Variants in PARS2 observed in about 807,000 individuals in gnomAD.
PARS2 encodes probable proline--tRNA ligase, mitochondrial.
PARS2 carries 20 observed loss-of-function variants against 27.4 expected under a neutral mutation model. That is an observed-to-expected ratio of 0.73 (90% CI 0.51 to 1.06). The LOEUF is 1.06. Among genes scored for constraint, PARS2 ranks in the 50% least tolerant of loss-of-function variants. The pLI, the probability that PARS2 is intolerant of heterozygous loss-of-function variation, is 0.00. For synonymous variants in PARS2, 240 were observed against 247.1 expected (o/e 0.97, Z 0.27); for missense variants, 585 against 602.1 (o/e 0.97, Z 0.30).
intron 1 of PARS2, among the ~76,000 whole-genome samples, chr1:54,762,999 A>T (rs1646165572): frequency 6.6e-6 from 1 of 152,224 alleles, no homozygotes; most frequent in Non-Finnish European, 1.5e-5. Flanking sequence ...GCTGGCTCTC[A>T]TAATTTTCTC....
chr1:54,762,136 GTTTTTTTTT>G (rs35646933), intron 1 of PARS2, among the ~76,000 whole-genome samples: 1 of 128,682 alleles, frequency 7.8e-6, no homozygotes, highest in Non-Finnish European at 1.7e-5. Context: ...TGGAGGGCTT[GTTTTTTTTT>G]TTTTTTTTTT....
In PARS2 at chr1:54,758,890, A is replaced by G; in HGVS notation, c.272T>C (p.Leu91Pro). 6.2e-7 allele frequency: 1 copy of G among 1,614,154 alleles called. No homozygotes were observed. Among genetic ancestry groups the G allele is most frequent in the Non-Finnish European group, 8.5e-7 (1 of 1,180,014 alleles). ...YPASPGCYHL[L>P]PYTVRAMEKL... ...CTCCATGGCACGGACGGTATATGGCAGGAGGTGGTAACAGCCGGGGCTTGC... is the reference window on the plus strand; with the variant it reads ...CTCCATGGCACGGACGGTATATGGCGGGAGGTGGTAACAGCCGGGGCTTGC... Residue 91 changes from leucine (L) to proline (P), a missense_variant, in exon 2 of 2, where the codon CTG (leucine) becomes CCG (proline). By Grantham distance (98) the Leu-to-Pro change is moderately conservative. Coordinates refer to ENST00000371279, the MANE Select transcript of PARS2 (RefSeq NM_152268.4).
chr1:54,759,119 C>T lies in PARS2; in HGVS notation c.43G>A (p.Ala15Thr). Residue 15 changes from alanine (A) to threonine (T), a missense_variant, in exon 2 of 2, where the codon GCC (alanine) becomes ACC (threonine). Ala to Thr is a moderately conservative substitution (Grantham distance 58). Coordinates refer to ENST00000371279, the MANE Select transcript of PARS2 (RefSeq NM_152268.4). ...CCAGAGAGCTGGCGGCTGCAGGTGG[C>T]CAGGGCGGGCAATGCTCTGCATCTT... ...LTRCRALPAL[A>T]TCSRQLSGYV... 1.9e-6 allele frequency: 3 copies of T among 1,609,702 alleles called. No homozygotes were observed. The highest frequency in any genetic ancestry group is 1.7e-5 in the Admixed American group (1 of 59,840).
chr1:54,764,493 C>G lies in PARS2; in HGVS notation c.-62G>C, dbSNP rs982858278. The stretch of plus-strand genomic sequence containing the variant: ...CCAGCCCACGCCTCCCGCAAGACCA[C>G]CGCCGTGCCGGGCCAGCGCGCTTGC... On this transcript the variant is annotated 5_prime_UTR_variant, in exon 1 of 2. Coordinates refer to ENST00000371279, the MANE Select transcript of PARS2 (RefSeq NM_152268.4). The G allele has an allele frequency of 6.6e-6, 1 of 152,316 alleles. No individual in the cohort carries two copies. Among genetic ancestry groups the G allele is most frequent in the Admixed American group, 6.5e-5 (1 of 15,292 alleles). The allele number at this position is 152,316 out of a possible 1,614,324, so 9.4% of individuals were successfully genotyped here. A position where few individuals can be genotyped will look rare whatever the true frequency, so the allele number is the denominator to read the frequency against.
Position 54,758,858 on chromosome 1 carries a change from C to T in PARS2, c.304G>A (p.Val102Met), listed in dbSNP as rs1250287900. ...TGCATCTCCTGGTCTATCACTCGCA[C>T]GAGCTTCTCCATGGCACGGACGGTA... Reference protein sequence around the residue: ...PYTVRAMEKLVRVIDQEMQAI... With the variant: ...PYTVRAMEKLMRVIDQEMQAI... The change falls in exon 2 of 2, where the codon GTG becomes ATG. Residue 102 changes from valine to methionine, a missense_variant. Val to Met is a conservative substitution (Grantham distance 21). Coordinates refer to ENST00000371279, the MANE Select transcript of PARS2 (RefSeq NM_152268.4). The T allele has an allele frequency of 2.2e-5, 36 of 1,614,088 alleles. No homozygotes were observed. The highest frequency in any genetic ancestry group is 7.7e-5 in the South Asian group (7 of 91,090).
Position 54,758,840 on chromosome 1 carries a change from C to A in PARS2, c.322G>T (p.Glu108Ter). Reference sequence around the variant, plus strand: ...TTCTGGCCCCCGATGGCCTGCATCTCCTGGTCTATCACTCGCACGAGCTTC... The same window carrying A: ...TTCTGGCCCCCGATGGCCTGCATCTACTGGTCTATCACTCGCACGAGCTTC... ...MEKLVRVIDQEMQAIGGQKVN... is the reference protein window; with the variant it reads ...MEKLVRVIDQ The change falls in exon 2 of 2, where the codon GAG (glutamate) becomes TAG (stop). Residue 108 changes from glutamate (E) to a stop codon, truncating the protein, a stop_gained. Coordinates refer to ENST00000371279, the MANE Select transcript of PARS2 (RefSeq NM_152268.4). LOFTEE classifies it high-confidence loss of function. The A allele has an allele frequency of 6.2e-7, 1 of 1,614,234 alleles. No individual in the cohort carries two copies. Among genetic ancestry groups the A allele is most frequent in the Non-Finnish European group, 8.5e-7 (1 of 1,180,050 alleles).
rs1023599710 is a variant in PARS2 at position 54,758,479 on chromosome 1, T to A, written c.683A>T (p.Asp228Val). 1 of 1,614,104 alleles carries A rather than the reference T, an allele frequency of 6.2e-7. No homozygotes were observed. Residue 228 changes from aspartate to valine, a missense_variant, in exon 2 of 2, where the codon GAT (aspartate) becomes GTT (valine). Asp to Val is a radical substitution (Grantham distance 152, BLOSUM62 -3). Coordinates refer to ENST00000371279, the MANE Select transcript of PARS2 (RefSeq NM_152268.4). Reference protein sequence around the residue: ...AAQQTYSLVCDAYCSLFNKLG... With the variant: ...AAQQTYSLVCVAYCSLFNKLG... ...CTTGTTGAACAGGCTGCAGTAGGCA[T>A]CACACACCAGGCTGTAGGTCTGCTG... is the stretch of plus-strand genomic sequence containing the variant.
At chr1:54,763,064 T>C (rs1356224283) in intron 1 of PARS2, among the ~76,000 whole-genome samples, 1 of 152,184 alleles carries the variant, frequency 6.6e-6, no homozygotes, top group Non-Finnish European at 1.5e-5. Context: ...TTCCAGCTTC[T>C]TATCCTAGCA....
At position 54,764,480 on chromosome 1, in the gene PARS2, T is replaced by G. The variant is rs980948689; in HGVS notation, c.-49A>C. ...ACCTACCGCAATCCCAGCCCACGCC[T>G]CCCGCAAGACCACCGCCGTGCCGGG... On this transcript the variant is annotated 5_prime_UTR_variant, in exon 1 of 2. Coordinates refer to ENST00000371279, the MANE Select transcript of PARS2 (RefSeq NM_152268.4). The G allele has an allele frequency of 1.3e-5, 2 of 152,130 alleles. No individual in the cohort carries two copies. The highest frequency in any genetic ancestry group is 4.8e-5 in the African/African-American group (2 of 41,412). 9.4% of individuals were successfully genotyped at this position (152,130 alleles called of 1,614,324 possible). A position where few individuals can be genotyped will look rare whatever the true frequency, so the allele number is the denominator to read the frequency against.
Position 54,758,619 on chromosome 1 carries a change from C to T in PARS2, c.543G>A (p.Leu181=), listed in dbSNP as rs780867581. ...KLSYKQLPFL[L]YQVTRKFRDE... is the part of the protein sequence containing the mutation. ...CCCGAAACTTCCTTGTCACTTGGTA[C>T]AGCAGGAAGGGAAGCTGCTTGTAGG... Residue 181 remains leucine (L), a synonymous_variant, in exon 2 of 2, where the codon CTG becomes CTA. Transcript: ENST00000371279. 1 of 1,614,192 alleles carries T rather than the reference C, an allele frequency of 6.2e-7. No individual in the cohort carries two copies. Among genetic ancestry groups the T allele is most frequent in the Non-Finnish European group, 8.5e-7 (1 of 1,180,034 alleles).
rs558109918 is a variant in PARS2 at position 54,763,115 on chromosome 1, C to T, written c.-30+1346G>A. ...ATTATTCTTGAAACAGACTGACCTC[C>T]CCCCAACCCCCAGCAATTCCAACTG... On this transcript the variant is annotated intron_variant, in intron 1 of 1. Coordinates refer to ENST00000371279, the MANE Select transcript of PARS2 (RefSeq NM_152268.4). Among the ~76,000 whole-genome samples the T allele has an allele frequency of 3.9e-5, 6 of 152,274 alleles. No individual in the cohort carries two copies. The South Asian group carries it at 1.0e-3, about 26-fold the overall frequency.
chr1:54,764,015 C>T (rs1240615544), intron 1 of PARS2, among the ~76,000 whole-genome samples: 5 of 152,220 alleles, frequency 3.3e-5, no homozygotes, highest in Non-Finnish European at 5.9e-5. Context: ...CCAAATCCTA[C>T]AGTTTCCATC....
intron 1 of PARS2, among the ~76,000 whole-genome samples, chr1:54,760,649 T>C (rs1646150463): frequency 6.6e-6 from 1 of 152,212 alleles, no homozygotes; most frequent in African/African-American, 2.4e-5. Flanking sequence ...TTCTTGGTTA[T>C]AACGGCCTCC....
rs1430723658 is a variant in PARS2, at chr1:54,759,337, C to G, written c.-29-147G>C. On this transcript the variant is annotated intron_variant, in intron 1 of 1. Transcript: ENST00000371279. ...TTCCATTTCTAATATCCTAGCAGAT[C>G]AAAGCACTATTTCTCTAACCTCTTA... The G allele has an allele frequency of 8.9e-6, 5 of 563,426 alleles. No individual in the cohort carries two copies. The African/African-American group carries it at 9.4e-5, about 11-fold the overall frequency. The allele number at this position is 563,426 out of a possible 1,614,324, so 34.9% of individuals were successfully genotyped here. A position where few individuals can be genotyped will look rare whatever the true frequency, so the allele number is the denominator to read the frequency against.
chr1:54,763,656 G>A (rs1038445130), intron 1 of PARS2, among the ~76,000 whole-genome samples: 2 of 152,128 alleles, frequency 1.3e-5, no homozygotes, highest in Non-Finnish European at 2.9e-5. Flanking sequence ...AGTTTTTCAG[G>A]AGCAATACAG....
In PARS2 at chr1:54,758,031, A is replaced by AG. The variant is rs730882152; in HGVS notation, c.1130dup (p.Lys378Ter). The AG allele has an allele frequency of 8.7e-6, 14 of 1,613,800 alleles. No homozygotes were observed. Among genetic ancestry groups the AG allele is most frequent in the Admixed American group, 6.7e-5 (4 of 59,978 alleles). On this transcript the variant is annotated frameshift_variant, in exon 2 of 2. Transcript: ENST00000371279. LOFTEE classifies it high-confidence loss of function. ...CCGCCTGCTCCTTACTGCCCTTCTT[A>AG]GGGGGGATGAGGCAGGCTTGGTAAG...
rs1366665783 is a variant in PARS2 at position 54,764,520 on chromosome 1, C to T, written c.-89G>A. 1 of 152,308 alleles carries T rather than the reference C, an allele frequency of 6.6e-6. No homozygotes were observed. The highest frequency in any genetic ancestry group is 1.5e-5 in the Non-Finnish European group (1 of 68,082). The allele number at this position is 152,308 out of a possible 1,614,324, so 9.4% of individuals were successfully genotyped here. On this transcript the variant is annotated 5_prime_UTR_variant, in exon 1 of 2. Transcript: ENST00000371279. ...GCCGTGCCGGGCCAGCGCGCTTGCG[C>T]CTCGAGCAAGCCCGCTCCTAAGCCC...
chr1:54,760,768 C>T (rs1646151124), intron 1 of PARS2, among the ~76,000 whole-genome samples: 1 of 151,966 alleles, frequency 6.6e-6, no homozygotes, highest in African/African-American at 2.4e-5. Flanking sequence ...TCTGATCAGG[C>T]TTTGCCACGC....
Position 54,758,759 on chromosome 1 carries a change from C to T in PARS2, c.403G>A (p.Asp135Asn). 6.2e-7 allele frequency: 1 copy of T among 1,614,166 alleles called. No homozygotes were observed. The highest frequency in any genetic ancestry group is 8.5e-7 in the Non-Finnish European group (1 of 1,180,032). The change falls in exon 2 of 2, where the codon GAC (aspartate) becomes AAC (asparagine). Residue 135 changes from aspartate to asparagine, a missense_variant. Physicochemically the swap from Asp to Asn is conservative, Grantham distance 23. Coordinates refer to ENST00000371279, the MANE Select transcript of PARS2 (RefSeq NM_152268.4). ...AELWQATNRW[D>N]LMGKELLRLR... ...CTTAGCAGCTCTTTGCCCATCAAGT[C>T]CCACCGGTTGGTGGCTTGCCAGAGC...
Sources: allele counts gnomAD v4.1 joint callset (sites outside exome capture counted in the v4.1 genomes callset), GRCh38; gene constraint gnomAD v4.1.1; transcripts MANE v1.5; gene names NCBI Gene and HGNC (gene_info 2026-07-23, HGNC 2026-07-21).